POMT2: variants seen among roughly 807,000 people sequenced by gnomAD.
POMT2 encodes protein O-mannosyl-transferase 2.
In POMT2, 75 loss-of-function variants were observed where a neutral mutation model predicts 100.0. The ratio of observed to expected loss-of-function variants is 0.75; its 90% CI spans 0.62 to 0.91. POMT2 has a LOEUF of 0.91. POMT2 is among the 40% of genes least tolerant of loss of function. The pLI is 0.00. For missense variants in POMT2, 940 were observed against 955.1 expected (o/e 0.98, Z 0.21); for synonymous variants, 378 against 374.1 (o/e 1.01, Z -0.12).
chr14:77,278,701 C>T (rs1339777547), intron 19 of POMT2, 28 bp downstream of exon 19: 2 of 1,613,388 alleles, frequency 1.2e-6, no homozygotes, highest in African/African-American at 2.7e-5. Context: ...CCTGCTCTGT[C>T]TCCCAAGTCC....
intron 13 of POMT2, 158 bp downstream of exon 13, chr14:77,285,323 C>T (rs1303717435): frequency 1.0e-6 from 1 of 1,003,024 alleles, no homozygotes; most frequent in East Asian, 2.5e-5. Context: ...GAGTTCTGTG[C>T]TCCATAATAC....
At chr14:77,319,210 G>C (rs1181786172) in intron 1 of POMT2, among the ~76,000 whole-genome samples, 1 of 152,130 alleles carries the variant, frequency 6.6e-6, no homozygotes, top group Non-Finnish European at 1.5e-5. Flanking sequence ...GGTGCCCCCA[G>C]GACTTATTCA....
rs771201662 is a variant in POMT2 at position 77,301,248 on chromosome 14, G to A, written c.658C>T (p.Pro220Ser). The stretch of plus-strand genomic sequence containing the variant: ...CAGAACCACCAGGGGGCAGAGAAGG[G>A]CCTGAAAATCAACAAGACGGAGTTC... ...MVKYNSCADRPFSAPWWFWLS... is the reference protein window; with the variant it reads ...MVKYNSCADRSFSAPWWFWLS... The change falls in exon 6 of 21, where the codon CCC (proline) becomes TCC (serine). Residue 220 changes from proline (P) to serine (S), a missense_variant and splice_region_variant. Transcript: ENST00000261534. 6.2e-7 allele frequency: 1 copy of A among 1,614,146 alleles called. No individual in the cohort carries two copies. The highest frequency in any genetic ancestry group is 8.5e-7 in the Non-Finnish European group (1 of 1,180,026).
At chr14:77,286,848 AT>A (rs1890443885) in intron 11 of POMT2, 26 bp from the exon 12 acceptor site, 1 of 1,614,046 alleles carries the variant, frequency 6.2e-7, no homozygotes, top group African/African-American at 1.3e-5. Context: ...GAGAAGTGTC[AT>A]TATCCTATAG....
At chr14:77,288,182 T>C (rs934729314) in intron 11 of POMT2, among the ~76,000 whole-genome samples, 1 of 152,248 alleles carries the variant, frequency 6.6e-6, no homozygotes, top group African/African-American at 2.4e-5. Context: ...CACTTATTTC[T>C]CTGGATTCCT....
chr14:77,298,869 A>G, intron 7 of POMT2, 98 bp from the exon 8 acceptor site: 3 of 1,169,486 alleles, frequency 2.6e-6, no homozygotes, highest in Non-Finnish European at 3.7e-6. Context: ...TAGTTTAAGG[A>G]AAGTAGAATC....
At chr14:77,292,428 T>C (rs1490693821) in intron 9 of POMT2, among the ~76,000 whole-genome samples, 1 of 152,214 alleles carries the variant, frequency 6.6e-6, no homozygotes, top group Non-Finnish European at 1.5e-5. Context: ...TATCCCCACA[T>C]TACTTACAAG....
rs1171196217 is a variant in POMT2, at chr14:77,279,924, A to G, written c.1790T>C (p.Val597Ala). ...FRVYLLGNPVVWWLNLLSIAL... is the reference protein window; with the variant it reads ...FRVYLLGNPVAWWLNLLSIAL... ...GATGCTCAACAGATTCAGCCACCAA[A>G]CCACCTGTGCAGAAATGGGAATGGG... is the stretch of plus-strand genomic sequence containing the variant. Residue 597 changes from valine (V) to alanine (A), a missense_variant, in exon 18 of 21, where the codon GTT becomes GCT. Transcript: ENST00000261534. 9 of 1,614,010 alleles carry G rather than the reference A, an allele frequency of 5.6e-6. No individual in the cohort carries two copies. Among genetic ancestry groups the G allele is most frequent in the Non-Finnish European group, 7.6e-6 (9 of 1,180,010 alleles).
chr14:77,284,758 G>A (rs1316685228), intron 14 of POMT2, among the ~76,000 whole-genome samples, 192 bp downstream of exon 14: 2 of 152,164 alleles, frequency 1.3e-5, no homozygotes, highest in Non-Finnish European at 2.9e-5. Context: ...AGGAGTTTAC[G>A]GAGGGAGTGG....
Position 77,276,674 on chromosome 14 carries a change from G to A in POMT2, c.*702C>T, listed in dbSNP as rs1889966448. On this transcript the variant is annotated 3_prime_UTR_variant, in exon 21 of 21. Coordinates refer to ENST00000261534, the MANE Select transcript of POMT2 (RefSeq NM_013382.7). ...GAGGAACCAAGGGCTAAGGCAGGCT[G>A]ACGCTCCGGAGTCCGCTGCTCTCTG... The A allele has an allele frequency of 6.5e-6, 1 of 152,938 alleles. No individual in the cohort carries two copies. Among genetic ancestry groups the A allele is most frequent in the African/African-American group, 2.4e-5 (1 of 41,472 alleles). 9.5% of individuals were successfully genotyped at this position (152,938 alleles called of 1,614,324 possible). A position where few individuals can be genotyped will look rare whatever the true frequency, so the allele number is the denominator to read the frequency against.
chr14:77,316,158 C>T (rs1319557800), intron 1 of POMT2, among the ~76,000 whole-genome samples: 1 of 152,230 alleles, frequency 6.6e-6, no homozygotes, highest in Non-Finnish European at 1.5e-5. Context: ...AACTACTCAA[C>T]ACTTTGAAAT....
chr14:77,296,409 T>A, intron 8 of POMT2, 136 bp from the exon 9 acceptor site: 1 of 669,206 alleles, frequency 1.5e-6, no homozygotes, highest in Non-Finnish European at 2.7e-6. Context: ...GAAGCCCAGC[T>A]ACCTTCTCAC....
chr14:77,311,959 G>A lies in POMT2; in HGVS notation c.323C>T (p.Pro108Leu). The change falls in exon 2 of 21, where the codon CCC (proline) becomes CTC (leucine). Residue 108 changes from proline (P) to leucine (L), a missense_variant. Physicochemically the swap from Pro to Leu is moderately conservative, Grantham distance 98. Coordinates refer to ENST00000261534, the MANE Select transcript of POMT2 (RefSeq NM_013382.7). ...CACCACACTGCTCACCTTTCCCAGG[G>A]GCGGGTGCACATCAAAGAAAAATGT... ...NRTFFFDVHP[P>L]LGKMLIGLAG... 1.2e-6 allele frequency: 2 copies of A among 1,614,020 alleles called. No homozygotes were observed. Among genetic ancestry groups the A allele is most frequent in the Non-Finnish European group, 1.7e-6 (2 of 1,179,968 alleles).
intron 1 of POMT2, among the ~76,000 whole-genome samples, chr14:77,312,913 T>C (rs543201492): frequency 1.3e-5 from 2 of 152,362 alleles, no homozygotes; most frequent in East Asian, 3.9e-4. Flanking sequence ...TATATAAAAG[T>C]TGAAGGCTTT....
chr14:77,300,859 A>G (rs1346037115), intron 6 of POMT2: 5 of 610,260 alleles, frequency 8.2e-6, no homozygotes, highest in Non-Finnish European at 1.4e-5. Flanking sequence ...ACAAATGCAA[A>G]AAGAGACTTC....
At chr14:77,289,295 G>A (rs1486300285) in intron 10 of POMT2, among the ~76,000 whole-genome samples, 1 of 152,040 alleles carries the variant, frequency 6.6e-6, no homozygotes, top group Non-Finnish European at 1.5e-5. Flanking sequence ...AGAGGCTGAG[G>A]CAGGAGAATC....
rs776717531 is a variant in POMT2, at chr14:77,284,256, C to T, written c.1577-383G>A. The T allele has an allele frequency of 1.7e-4, 53 of 316,092 alleles. No homozygotes were observed. In the East Asian group the frequency reaches 1.7e-3, roughly 10 times the overall value. The allele number at this position is 316,092 out of a possible 1,614,324, so 19.6% of individuals were successfully genotyped here. Reference sequence around the variant, plus strand: ...GGAATGAGGAATAAATCATTCTGGACGCCTGGAGCAGCTGCTGTCGGGATG... The same window carrying T: ...GGAATGAGGAATAAATCATTCTGGATGCCTGGAGCAGCTGCTGTCGGGATG... On this transcript the variant is annotated intron_variant, in intron 14 of 20. Transcript: ENST00000261534.
At chr14:77,292,582 C>G (rs1225244972) in intron 9 of POMT2, among the ~76,000 whole-genome samples, 1 of 152,188 alleles carries the variant, frequency 6.6e-6, no homozygotes, top group Non-Finnish European at 1.5e-5. Context: ...AAGTAGAGAA[C>G]TCTCACAAAT....
intron 17 of POMT2, 28 bp downstream of exon 17, chr14:77,279,993 C>G: frequency 1.2e-6 from 2 of 1,614,140 alleles, no homozygotes; most frequent in Non-Finnish European, 1.7e-6. Flanking sequence ...TGCTCCAGGG[C>G]CTGAGCCGGG....
Sources: gnomAD v4.1 joint callset for allele counts (sites outside exome capture counted in the v4.1 genomes callset) on GRCh38, gnomAD v4.1.1 for gene constraint, MANE v1.5 for transcripts, NCBI Gene and HGNC (gene_info 2026-07-23, HGNC 2026-07-21) for gene names.